The following ABCA13 variants were observed in gnomAD, a reference collection of about 807,000 sequenced individuals.
ABCA13 encodes ATP-binding cassette sub-family A member 13.
In ABCA13, 476 loss-of-function variants were observed where a neutral mutation model predicts 478.7. The ratio of observed to expected loss-of-function variants is 0.99; its 90% CI spans 0.92 to 1.07. The LOEUF is 1.07. Ranked by LOEUF, ABCA13 falls within the 50% of genes least tolerant of loss-of-function variation. ABCA13 has a pLI of 0.00. For synonymous variants in ABCA13, 2,252 were observed against 2,158.9 expected (o/e 1.04, Z -1.20); for missense variants, 6,060 against 5,910.6 (o/e 1.03, Z -0.83).
chr7:48,250,596 G>A lies in ABCA13; in HGVS notation c.2005+1245G>A, dbSNP rs1214499102. Among the ~76,000 whole-genome samples the A allele has an allele frequency of 2.0e-5, 3 of 152,274 alleles. No individual in the cohort carries two copies. The East Asian group carries it at 5.8e-4, about 29-fold the overall frequency. On this transcript the variant is annotated intron_variant, in intron 15 of 61. Coordinates refer to ENST00000435803, the MANE Select transcript of ABCA13 (RefSeq NM_152701.5). The stretch of plus-strand genomic sequence containing the variant: ...ACAATGGCCTAGACCAAATATATAT[G>A]TATGTTTTTATTATGTTAATGGCTC...
At chr7:48,636,584 G>A (rs1563535925) in intron 59 of ABCA13, among the ~76,000 whole-genome samples, 1 of 152,194 alleles carries the variant, frequency 6.6e-6, no homozygotes, top group Non-Finnish European at 1.5e-5. Flanking sequence ...GTGCAGTCCT[G>A]CCTGGGCATG....
intron 3 of ABCA13, among the ~76,000 whole-genome samples, chr7:48,204,111 C>CTTTT: frequency 7.3e-6 from 1 of 137,824 alleles, no homozygotes; most frequent in South Asian, 2.3e-4. Flanking sequence ...TCTTGACACT[C>CTTTT]TTTTTTTTTT....
At chr7:48,590,573 A>G (rs888672871) in intron 57 of ABCA13, among the ~76,000 whole-genome samples, 5 of 152,150 alleles carry the variant, frequency 3.3e-5, no homozygotes, top group Admixed American at 1.3e-4. Flanking sequence ...ACTGTTTTCC[A>G]TAATATGTGT....
intron 31 of ABCA13, among the ~76,000 whole-genome samples, chr7:48,364,194 T>C (rs887756698): frequency 1.3e-5 from 2 of 152,172 alleles, no homozygotes; most frequent in African/African-American, 2.4e-5. Flanking sequence ...TGAAAACATA[T>C]GGATTTCTCA....
At chr7:48,475,685 C>G (rs558542654) in intron 45 of ABCA13, among the ~76,000 whole-genome samples, 12 of 151,928 alleles carry the variant, frequency 7.9e-5, no homozygotes, top group Admixed American at 1.3e-4. Context: ...AGGCTGGTCT[C>G]GAACTCCTGA....
intron 1 of ABCA13, among the ~76,000 whole-genome samples, chr7:48,186,981 A>G (rs1796426184): frequency 1.3e-5 from 2 of 149,660 alleles, no homozygotes; most frequent in South Asian, 4.2e-4. Context: ...GAGAATATGT[A>G]TATATCTGTG....
chr7:48,294,187 C>G (rs1164191479), intron 20 of ABCA13, among the ~76,000 whole-genome samples: 1 of 151,972 alleles, frequency 6.6e-6, no homozygotes, highest in African/African-American at 2.4e-5. Flanking sequence ...ATGAGCATAT[C>G]TGTCATCTCA....
chr7:48,230,899 C>A (rs1351598468), intron 7 of ABCA13, among the ~76,000 whole-genome samples: 1 of 152,080 alleles, frequency 6.6e-6, no homozygotes, highest in Non-Finnish European at 1.5e-5. Flanking sequence ...TTCCTATGAG[C>A]CAAACACTTC....
chr7:48,309,124 C>T (rs78851775), intron 23 of ABCA13, among the ~76,000 whole-genome samples: 6,386 of 150,572 alleles, frequency 0.042, 211 homozygotes, highest in Admixed American at 0.099. Context: ...TTATATCTTA[C>T]TGTATTTTGG....
intron 24 of ABCA13, 60 bp from the exon 25 acceptor site, chr7:48,313,007 T>A: frequency 6.9e-7 from 1 of 1,450,318 alleles, no homozygotes; most frequent in Non-Finnish European, 9.1e-7. Context: ...AAGATGCTTC[T>A]GAGTGTAAAA....
chr7:48,644,755 G>A lies in ABCA13; in HGVS notation c.15081+1G>A, dbSNP rs1166231864. On this transcript the variant is annotated splice_donor_variant, in intron 61 of 61. Coordinates refer to ENST00000435803, the MANE Select transcript of ABCA13 (RefSeq NM_152701.5). LOFTEE classifies it high-confidence loss of function. Reference sequence around the variant, plus strand: ...CATTAACCAAACCACTTTGGAGCAGGTATAGTATCTTGAATGATTCAGGAG... The same window carrying A: ...CATTAACCAAACCACTTTGGAGCAGATATAGTATCTTGAATGATTCAGGAG... The A allele has an allele frequency of 6.3e-7, 1 of 1,592,094 alleles. No homozygotes were observed.
intron 55 of ABCA13, among the ~76,000 whole-genome samples, chr7:48,556,611 A>G (rs1381264666): frequency 6.6e-6 from 1 of 151,986 alleles, no homozygotes; most frequent in Non-Finnish European, 1.5e-5. Context: ...TGTCTGATAT[A>G]AATATAGCTA....
At chr7:48,330,338 C>T (rs1805113044) in intron 27 of ABCA13, among the ~76,000 whole-genome samples, 2 of 150,794 alleles carry the variant, frequency 1.3e-5, no homozygotes, top group Non-Finnish European at 3.0e-5. Flanking sequence ...CCCATTCAGT[C>T]ATCCACACAT....
intron 1 of ABCA13, among the ~76,000 whole-genome samples, chr7:48,180,230 G>C (rs907999991): frequency 6.6e-6 from 1 of 152,154 alleles, no homozygotes; most frequent in Non-Finnish European, 1.5e-5. Flanking sequence ...GGACAGCCTT[G>C]GTGCTGTCTC....
intron 31 of ABCA13, among the ~76,000 whole-genome samples, chr7:48,355,836 G>A (rs1809813326): frequency 6.6e-6 from 1 of 151,994 alleles, no homozygotes; most frequent in African/African-American, 2.4e-5. Flanking sequence ...TGTGGGTAGA[G>A]GTTTGGAGGA....
At chr7:48,423,000 G>A (rs1256005652) in intron 41 of ABCA13, among the ~76,000 whole-genome samples, 1 of 152,182 alleles carries the variant, frequency 6.6e-6, no homozygotes, top group African/African-American at 2.4e-5. Flanking sequence ...GCCCATATTA[G>A]GCTTCTGACC....
At chr7:48,448,637 C>T (rs1042466791) in intron 42 of ABCA13, among the ~76,000 whole-genome samples, 4 of 151,816 alleles carry the variant, frequency 2.6e-5, no homozygotes, top group African/African-American at 7.3e-5. Context: ...TTTTCTTTTA[C>T]CTATATTGTG....
intron 28 of ABCA13, among the ~76,000 whole-genome samples, chr7:48,337,864 A>G (rs763979523): frequency 2.6e-5 from 4 of 152,228 alleles, no homozygotes; most frequent in Non-Finnish European, 4.4e-5. Flanking sequence ...CAAAGTCACA[A>G]CCATCAATAA....
chr7:48,252,119 C>T (rs1413979384), intron 15 of ABCA13, among the ~76,000 whole-genome samples: 1 of 152,028 alleles, frequency 6.6e-6, no homozygotes, highest in Non-Finnish European at 1.5e-5. Context: ...ACTCTCTGCC[C>T]CTTTCTCTTT....
Sources: allele counts gnomAD v4.1 joint callset (sites outside exome capture counted in the v4.1 genomes callset), GRCh38; gene constraint gnomAD v4.1.1; transcripts MANE v1.5; gene names NCBI Gene and HGNC (gene_info 2026-07-23, HGNC 2026-07-21).